The following CLPB variants were observed in gnomAD, a reference collection of about 807,000 sequenced individuals.
CLPB encodes ClpB family mitochondrial disaggregase, also known as mitochondrial disaggregase.
CLPB carries 40 observed loss-of-function variants against 78.4 expected under a neutral mutation model. That is an observed-to-expected ratio of 0.51 (90% confidence interval 0.40 to 0.66). The LOEUF (loss-of-function observed/expected upper bound fraction) is 0.66, where lower values mean the gene tolerates loss of function less well. Ranked by LOEUF, CLPB falls within the 30% of genes least tolerant of loss-of-function variation. CLPB has a pLI of 0.00. For missense variants in CLPB, 780 were observed against 886.9 expected, an observed-to-expected ratio of 0.88 and a Z score of 1.53; for synonymous variants, 333 against 348.0, an observed-to-expected ratio of 0.96 and a Z score of 0.48.
rs759909627 is a variant in CLPB, at chr11:72,434,183, G to A, written c.292C>T (p.Leu98Phe). ...WGRLPGPEET[L>F]PGQDSWNGVP... is the part of the protein sequence containing the mutation. ...CCGTTCCAGCTGTCCTGTCCTGGGA[G>A]TGTTTCTTCGGGACCAGGAAGGCGT... The change falls in exon 1 of 16, where the codon CTC (leucine) becomes TTC (phenylalanine). Residue 98 changes from leucine (L) to phenylalanine (F), a missense_variant. Leu to Phe is a conservative substitution (Grantham distance 22). This residue lies in a region of CLPB where 417 missense variants were observed against 414.7 expected (regional missense o/e 1.01). Coordinates refer to ENST00000538039, the MANE Select transcript of CLPB (RefSeq NM_001258392.3). 19 of 1,613,430 alleles carry A rather than the reference G, an allele frequency of 1.2e-5. No individual in the cohort carries two copies. The highest frequency in any genetic ancestry group is 1.4e-5 in the Non-Finnish European group (17 of 1,180,006).
At chr11:72,379,526 C>A (rs1854833658) in intron 4 of CLPB, among the ~76,000 whole-genome samples, 1 of 152,206 alleles carries the variant, frequency 6.6e-6, no homozygotes, top group Admixed American at 6.5e-5. Context: ...CCCCAACAGA[C>A]ACATGATCGA....
chr11:72,315,268 G>C (rs1949920998), intron 7 of CLPB, among the ~76,000 whole-genome samples: 1 of 152,216 alleles, frequency 6.6e-6, no homozygotes, highest in Non-Finnish European at 1.5e-5. Flanking sequence ...GGTTCTGTAT[G>C]TGCTGAATAG....
In CLPB at chr11:72,291,015, T is replaced by TATC. The variant is rs1468236554; in HGVS notation, c.*2349_*2351dup. 1 of 150,756 alleles carries TATC rather than the reference T, an allele frequency of 6.6e-6. No homozygotes were observed. Among genetic ancestry groups the TATC allele is most frequent in the Non-Finnish European group, 1.5e-5 (1 of 67,842 alleles). The allele number at this position is 150,756 out of a possible 1,614,324, so 9.3% of individuals were successfully genotyped here. On this transcript the variant is annotated 3_prime_UTR_variant, in exon 16 of 16. Coordinates refer to ENST00000538039, the MANE Select transcript of CLPB (RefSeq NM_001258392.3). Reference sequence around the variant, plus strand: ...CTAGGAGGCACTAAGAATAGCACAGTATCACTTCTGTGGTTGTCTTGGCAA... The same window carrying TATC: ...CTAGGAGGCACTAAGAATAGCACAGTATCATCACTTCTGTGGTTGTCTTGGCAA...
chr11:72,309,059 T>C (rs1215995579), intron 7 of CLPB, among the ~76,000 whole-genome samples: 3 of 152,174 alleles, frequency 2.0e-5, no homozygotes, highest in Non-Finnish European at 4.4e-5. Context: ...GTGTGAGCCC[T>C]GGACTCTTTC....
intron 11 of CLPB, among the ~76,000 whole-genome samples, chr11:72,297,702 T>TGTGTGTGTGTGTGTGTGTGA (rs1464583884): frequency 4.6e-5 from 6 of 129,754 alleles, no homozygotes; most frequent in Admixed American, 7.6e-5. Flanking sequence ...TGTGTGTGTG[T>TGTGTGTGTGTGTGTGTGTGA]GACATGTCCA....
chr11:72,337,331 C>A (rs1357966436), intron 5 of CLPB, among the ~76,000 whole-genome samples: 10 of 146,624 alleles, frequency 6.8e-5, no homozygotes, highest in Non-Finnish European at 1.5e-5. Flanking sequence ...ACTTACTGGG[C>A]ACTTGTTATG....
intron 3 of CLPB, among the ~76,000 whole-genome samples, chr11:72,394,373 G>A (rs1295082556): frequency 6.6e-6 from 1 of 152,058 alleles, no homozygotes; most frequent in African/African-American, 2.4e-5. Flanking sequence ...ATCCCCAACT[G>A]CCACTCTCCA....
At chr11:72,399,731 G>A (rs2135072198) in intron 3 of CLPB, among the ~76,000 whole-genome samples, 1 of 152,340 alleles carries the variant, frequency 6.6e-6, no homozygotes, top group African/African-American at 2.4e-5. Flanking sequence ...TGAAGGAGGT[G>A]AAGGTTCTCT....
chr11:72,379,166 C>A (rs1008346067), intron 4 of CLPB, among the ~76,000 whole-genome samples: 1 of 152,226 alleles, frequency 6.6e-6, no homozygotes, highest in Non-Finnish European at 1.5e-5. Context: ...GTCAGTCTGG[C>A]AGCCTTACAG....
intron 2 of CLPB, among the ~76,000 whole-genome samples, chr11:72,427,659 C>T (rs890237756): frequency 6.6e-6 from 1 of 152,172 alleles, no homozygotes; most frequent in Non-Finnish European, 1.5e-5. Context: ...ACGTGCTATA[C>T]AGATTCCTAG....
chr11:72,324,294 A>C (rs1222258944), intron 6 of CLPB, among the ~76,000 whole-genome samples: 1 of 152,136 alleles, frequency 6.6e-6, no homozygotes, highest in Non-Finnish European at 1.5e-5. Context: ...AAGGCCAGGC[A>C]TGGTGGCTCA....
intron 5 of CLPB, among the ~76,000 whole-genome samples, chr11:72,345,959 A>C (rs1183924083): frequency 6.6e-6 from 1 of 152,206 alleles, no homozygotes; most frequent in Non-Finnish European, 1.5e-5. Context: ...TATAGGATTG[A>C]GCAAATGAGT....
intron 6 of CLPB, among the ~76,000 whole-genome samples, chr11:72,322,554 T>C (rs111824525): frequency 1.3e-5 from 2 of 152,198 alleles, no homozygotes; most frequent in African/African-American, 4.8e-5. Flanking sequence ...TGGAGTAAAC[T>C]AGAGAAGGAA....
intron 9 of CLPB, among the ~76,000 whole-genome samples, chr11:72,305,045 C>A (rs895066553): frequency 6.6e-6 from 1 of 152,188 alleles, no homozygotes; most frequent in Non-Finnish European, 1.5e-5. Context: ...GCAGGAGTTT[C>A]ATAGAAGCAC....
intron 2 of CLPB, among the ~76,000 whole-genome samples, chr11:72,405,927 C>CAA (rs879763337): frequency 1.6e-5 from 2 of 124,136 alleles, no homozygotes; most frequent in African/African-American, 3.0e-5. Flanking sequence ...GACTCTGTCT[C>CAA]AAAAAAAAAA....
chr11:72,302,107 G>A (rs1949666839), intron 10 of CLPB, 143 bp from the exon 11 acceptor site: 4 of 1,017,376 alleles, frequency 3.9e-6, no homozygotes, highest in Non-Finnish European at 5.8e-6. Context: ...TCCTGGTGTG[G>A]CAGATAGATC....
intron 7 of CLPB, among the ~76,000 whole-genome samples, chr11:72,313,679 C>G (rs942670886): frequency 1.3e-5 from 2 of 152,162 alleles, no homozygotes; most frequent in Admixed American, 1.3e-4. Flanking sequence ...TAGGTCTCTT[C>G]TTTTTTAAAT....
intron 2 of CLPB, among the ~76,000 whole-genome samples, chr11:72,426,596 C>A (rs1466186391): frequency 6.6e-6 from 1 of 152,062 alleles, no homozygotes; most frequent in African/African-American, 2.4e-5. Flanking sequence ...ACCTGGCCTC[C>A]CTCTGATATA....
chr11:72,389,443 T>C (rs1330576572), intron 3 of CLPB, among the ~76,000 whole-genome samples: 1 of 152,214 alleles, frequency 6.6e-6, no homozygotes, highest in Non-Finnish European at 1.5e-5. Flanking sequence ...GTTTCACTAT[T>C]ACTGTCTTAA....
Sources: gnomAD v4.1 joint callset for allele counts (sites outside exome capture counted in the v4.1 genomes callset) on GRCh38, gnomAD v4.1.1 for gene constraint, gnomAD v4.1.1 regional missense constraint, MANE v1.5 for transcripts, NCBI Gene and HGNC (gene_info 2026-07-23, HGNC 2026-07-21) for gene names.